The following TPO variants were observed in gnomAD, a reference collection of about 807,000 sequenced individuals.
TPO encodes thyroid peroxidase, also known as thyroid microsomal antigen.
Under a neutral mutation model 96.9 loss-of-function variants are expected in TPO, and 78 were observed. The observed-to-expected ratio is 0.81, with a 90% CI of 0.67 to 0.97. The LOEUF is 0.97. Ranked by LOEUF, TPO falls within the 50% of genes least tolerant of loss-of-function variation. The pLI, the probability that TPO is intolerant of heterozygous loss-of-function variation, is 0.00. For missense variants in TPO, 1,252 were observed against 1,274.8 expected, an observed-to-expected ratio of 0.98 and a Z score of 0.27; for synonymous variants, 547 against 538.0, an observed-to-expected ratio of 1.02 and a Z score of -0.23.
intron 8 of TPO, 32 bp downstream of exon 8, chr2:1,477,636 G>A: frequency 6.8e-7 from 1 of 1,460,088 alleles, no homozygotes; most frequent in South Asian, 1.4e-5. Flanking sequence ...GCCCTGGGTG[G>A]CTGCGGGCAA....
intron 1 of TPO, among the ~76,000 whole-genome samples, chr2:1,389,541 A>G (rs1179656821): frequency 2.0e-5 from 3 of 152,192 alleles, no homozygotes; most frequent in African/African-American, 7.2e-5. Flanking sequence ...TAATACAAGT[A>G]GAATATTTAA....
rs766791306 is a variant in TPO at position 1,542,511 on chromosome 2, T to C, written c.*37T>C. 1.2e-5 allele frequency: 20 copies of C among 1,613,622 alleles called. No individual in the cohort carries two copies. The highest frequency in any genetic ancestry group is 1.7e-5 in the Non-Finnish European group (20 of 1,179,862). ...CAGGACACTGCAGAACAGCTTCATG[T>C]TCCCAAAATCACCGTACGACTCTTT... On this transcript the variant is annotated 3_prime_UTR_variant, in exon 17 of 17. Transcript: ENST00000329066.
chr2:1,422,399 A>ACAGACCTCGTGCAGGCGCCTCTCC (rs1663843466), intron 2 of TPO, among the ~76,000 whole-genome samples: 3 of 68,964 alleles, frequency 4.4e-5, no homozygotes, highest in Admixed American at 1.3e-4. Flanking sequence ...GCGCTGGGCC[A>ACAGACCTCGTGCAGGCGCCTCTCC]TGGGGAGAGC....
In TPO at chr2:1,535,529, C is replaced by CT. The variant is rs1414375457; in HGVS notation, c.2619-5065_2619-5064insT. Among the ~76,000 whole-genome samples, 4 of 97,644 alleles carry CT rather than the reference C, an allele frequency of 4.1e-5. 2 individuals are homozygous for CT. The highest frequency in any genetic ancestry group is 1.5e-4 in the African/African-American group (4 of 27,050). The allele number at this position is 97,644 out of a possible 152,430, so 64.1% of individuals were successfully genotyped here. On this transcript the variant is annotated intron_variant, in intron 15 of 16. Transcript: ENST00000329066. ...ACTGGGTGCAACCTCCCCAAATCCC[C>CT]GTGTGCCACTTCCCCAAATCACCAC...
intron 2 of TPO, among the ~76,000 whole-genome samples, chr2:1,420,456 A>C (rs1216026700): frequency 6.6e-6 from 1 of 152,014 alleles, no homozygotes; most frequent in Non-Finnish European, 1.5e-5. Context: ...GACAGAGCTA[A>C]TTTTTTTTCT....
chr2:1,469,284 T>C (rs781442633), intron 7 of TPO, among the ~76,000 whole-genome samples: 21 of 152,196 alleles, frequency 1.4e-4, no homozygotes, highest in Non-Finnish European at 2.5e-4. Context: ...AAGAGCCTTA[T>C]TTTGTTATAT....
chr2:1,540,338 A>G (rs1680586607), intron 15 of TPO, among the ~76,000 whole-genome samples: 1 of 152,248 alleles, frequency 6.6e-6, no homozygotes, highest in South Asian at 2.1e-4. Context: ...AGAAAGCCCC[A>G]GCTCAGCTGC....
intron 5 of TPO, among the ~76,000 whole-genome samples, chr2:1,444,162 G>A (rs367967646): frequency 9.5e-5 from 12 of 125,990 alleles, no homozygotes; most frequent in Middle Eastern, 8.1e-3. Context: ...ATGTTGGAAG[G>A]GAATGGGGCA....
At chr2:1,456,385 C>A in intron 7 of TPO, 103 bp downstream of exon 7, 1 of 1,287,926 alleles carries the variant, frequency 7.8e-7, no homozygotes, top group Non-Finnish European at 1.1e-6. Flanking sequence ...GTTTCTTTGT[C>A]CTATTCCCAG....
chr2:1,446,561 C>T (rs549074401), intron 5 of TPO, among the ~76,000 whole-genome samples: 17 of 151,162 alleles, frequency 1.1e-4, no homozygotes, highest in African/African-American at 4.2e-4. Flanking sequence ...TTGTCTTGAG[C>T]ACTTTTAAAA....
intron 1 of TPO, among the ~76,000 whole-genome samples, chr2:1,379,643 A>G (rs1194247831): frequency 6.6e-6 from 1 of 152,098 alleles, no homozygotes; most frequent in African/African-American, 2.4e-5. Flanking sequence ...ACAGCCTTCC[A>G]TCTTCCCTGG....
chr2:1,487,593 C>G (rs1015869985), intron 9 of TPO, among the ~76,000 whole-genome samples: 1 of 152,098 alleles, frequency 6.6e-6, no homozygotes, highest in African/African-American at 2.4e-5. Context: ...AGAAATTAGC[C>G]AAGCATGGTA....
At chr2:1,539,111 T>C (rs1265153053) in intron 15 of TPO, among the ~76,000 whole-genome samples, 1 of 152,164 alleles carries the variant, frequency 6.6e-6, no homozygotes, top group African/African-American at 2.4e-5. Context: ...CAAGGTAACA[T>C]TCCCAAGTTC....
chr2:1,529,675 G>C (rs1455144492), intron 15 of TPO, among the ~76,000 whole-genome samples: 1 of 62,632 alleles, frequency 1.6e-5, no homozygotes, highest in Non-Finnish European at 3.0e-5. Flanking sequence ...CCCCCACTGT[G>C]TGCAACCTCC....
chr2:1,477,210 A>C lies in TPO; in HGVS notation c.944A>C (p.Gln315Pro), dbSNP rs1670038822. 1 of 1,610,080 alleles carries C rather than the reference A, an allele frequency of 6.2e-7. No homozygotes were observed. Among genetic ancestry groups the C allele is most frequent in the Non-Finnish European group, 8.5e-7 (1 of 1,179,082 alleles). ...AACCTGTCCACGGCCAACCCGCGGC[A>C]GCAGATGAACGGGTTGACCTCGTTC... ...FGNLSTANPR[Q>P]QMNGLTSFLD... The change falls in exon 8 of 17, where the codon CAG becomes CCG. Residue 315 changes from glutamine to proline, a missense_variant. Coordinates refer to ENST00000329066, the MANE Select transcript of TPO (RefSeq NM_001206744.2).
chr2:1,505,235 C>T (rs995341505), intron 14 of TPO, among the ~76,000 whole-genome samples: 1 of 151,232 alleles, frequency 6.6e-6, no homozygotes, highest in Admixed American at 6.6e-5. Flanking sequence ...CTGTGTCAGG[C>T]ATACACCCCC....
rs909074098 is a variant in TPO at position 1,436,107 on chromosome 2, G to A, written c.350-145G>A. 4 of 1,203,322 alleles carry A rather than the reference G, an allele frequency of 3.3e-6. No homozygotes were observed. In the African/African-American group the frequency reaches 6.0e-5, roughly 18 times the overall value. 74.5% of individuals were successfully genotyped at this position (1,203,322 alleles called of 1,614,324 possible). A position where few individuals can be genotyped will look rare whatever the true frequency, so the allele number is the denominator to read the frequency against. On this transcript the variant is annotated intron_variant, in intron 4 of 16. Transcript: ENST00000329066. ...GTGAGCACTTGATGTAAAGGGAGAAGGCAGATTTTCTCAAAAACAGTGACC... is the reference window on the plus strand; with the variant it reads ...GTGAGCACTTGATGTAAAGGGAGAAAGCAGATTTTCTCAAAAACAGTGACC...
At chr2:1,512,642 G>A (rs1674279061) in intron 14 of TPO, among the ~76,000 whole-genome samples, 1 of 152,224 alleles carries the variant, frequency 6.6e-6, no homozygotes, top group South Asian at 2.1e-4. Flanking sequence ...TGCCTCCGAG[G>A]AGCTTCCTCT....
At chr2:1,489,452 G>A (rs6711500) in intron 10 of TPO, among the ~76,000 whole-genome samples, 59,357 of 152,038 alleles carry the variant, frequency 0.39, 11,739 homozygotes, top group South Asian at 0.5. Context: ...ACCCCCTCCC[G>A]GCTCTCACAA....
Sources: allele counts gnomAD v4.1 joint callset (sites outside exome capture counted in the v4.1 genomes callset), GRCh38; gene constraint gnomAD v4.1.1; transcripts MANE v1.5; gene names NCBI Gene and HGNC (gene_info 2026-07-23, HGNC 2026-07-21).